YPEL2: variants seen among roughly 807,000 people sequenced by gnomAD.
YPEL2 encodes the protein protein yippee-like 2.
In YPEL2, 2 loss-of-function variants were observed where a neutral mutation model predicts 19.1. That is an observed-to-expected ratio of 0.10 (90% CI 0.04 to 0.33). The LOEUF (loss-of-function observed/expected upper bound fraction) is 0.33. Ranked by LOEUF, YPEL2 falls within the 10% of genes least tolerant of loss-of-function variation. YPEL2 has a pLI of 1.00. For synonymous variants in YPEL2, 52 were observed against 50.0 expected, an observed-to-expected ratio of 1.04 and a Z score of -0.17; for missense variants, 66 against 140.7, an observed-to-expected ratio of 0.47 and a Z score of 2.68.
chr17:59,340,492 T>G (rs993169363), intron 1 of YPEL2, among the ~76,000 whole-genome samples: 2 of 150,568 alleles, frequency 1.3e-5, no homozygotes, highest in African/African-American at 4.9e-5. Flanking sequence ...CTCAGCTCAC[T>G]GCAGGCTCCG....
In YPEL2 at chr17:59,399,636, A is replaced by G. The variant is rs960547766; in HGVS notation, c.*2446A>G. 1 of 152,176 alleles carries G rather than the reference A, an allele frequency of 6.6e-6. No homozygotes were observed. The highest frequency in any genetic ancestry group is 1.5e-5 in the Non-Finnish European group (1 of 67,990). The allele number at this position is 152,176 out of a possible 1,614,324, so 9.4% of individuals were successfully genotyped here. A position where few individuals can be genotyped will look rare whatever the true frequency, so the allele number is the denominator to read the frequency against. On this transcript the variant is annotated 3_prime_UTR_variant, in exon 5 of 5. Coordinates refer to ENST00000312655, the MANE Select transcript of YPEL2 (RefSeq NM_001005404.4). ...TTGGTTTTTCCATAACTACAGGGGG[A>G]AAAAAAGTCATTAGGCTTTCCCTTT...
At chr17:59,357,981 G>A (rs939741097) in intron 2 of YPEL2, among the ~76,000 whole-genome samples, 1 of 152,140 alleles carries the variant, frequency 6.6e-6, no homozygotes, top group African/African-American at 2.4e-5. Context: ...AACTATTTAC[G>A]CTATTGTTAT....
intron 2 of YPEL2, chr17:59,354,364 A>G (rs924736136): frequency 6.6e-6 from 1 of 151,882 alleles, no homozygotes; most frequent in South Asian, 2.1e-4. Flanking sequence ...ACTTCACGCC[A>G]TTAAAGTAAA....
intron 1 of YPEL2, among the ~76,000 whole-genome samples, chr17:59,333,775 A>G (rs2147930936): frequency 6.6e-6 from 1 of 152,320 alleles, no homozygotes; most frequent in East Asian, 1.9e-4. Flanking sequence ...GTTTAAAAAT[A>G]GTTTGTCAGG....
intron 2 of YPEL2, among the ~76,000 whole-genome samples, chr17:59,360,375 G>A (rs1463495129): frequency 6.6e-6 from 1 of 152,104 alleles, no homozygotes; most frequent in South Asian, 2.1e-4. Flanking sequence ...CACTGCGCCC[G>A]GCCGTGTTAG....
chr17:59,354,528 A>ATCTAG (rs1424322051), intron 2 of YPEL2: 1 of 152,208 alleles, frequency 6.6e-6, no homozygotes, highest in Non-Finnish European at 1.5e-5. Flanking sequence ...GGAATGAAGG[A>ATCTAG]TCTAGTCAGC....
At chr17:59,337,921 C>G (rs926785369) in intron 1 of YPEL2, among the ~76,000 whole-genome samples, 1 of 152,200 alleles carries the variant, frequency 6.6e-6, no homozygotes, top group African/African-American at 2.4e-5. Context: ...CCTACTGCTG[C>G]GCATTCTGGA....
intron 1 of YPEL2, among the ~76,000 whole-genome samples, chr17:59,338,846 A>G (rs906420967): frequency 6.6e-6 from 1 of 152,194 alleles, no homozygotes; most frequent in East Asian, 1.9e-4. Context: ...CTAAAGGCCT[A>G]CAAAATCAGA....
intron 2 of YPEL2, among the ~76,000 whole-genome samples, chr17:59,361,909 G>A (rs996324274): frequency 6.6e-6 from 1 of 152,216 alleles, no homozygotes; most frequent in East Asian, 1.9e-4. Flanking sequence ...AGGAGCATCA[G>A]GAACAAAGAG....
chr17:59,336,827 A>G (rs1020310218), intron 1 of YPEL2, among the ~76,000 whole-genome samples: 12 of 152,168 alleles, frequency 7.9e-5, no homozygotes, highest in Non-Finnish European at 1.2e-4. Flanking sequence ...ACTTACATCT[A>G]TTTGAACTGG....
At chr17:59,368,021 T>C (rs2047878942) in intron 2 of YPEL2, among the ~76,000 whole-genome samples, 2 of 152,186 alleles carry the variant, frequency 1.3e-5, no homozygotes, top group African/African-American at 2.4e-5. Flanking sequence ...ACCCTGCATA[T>C]ATTAAATCCT....
chr17:59,366,575 A>G (rs1299434910), intron 2 of YPEL2, among the ~76,000 whole-genome samples: 1 of 152,124 alleles, frequency 6.6e-6, no homozygotes, highest in Non-Finnish European at 1.5e-5. Context: ...TCTCTGATGC[A>G]TCTTTGGAGG....
chr17:59,351,204 G>A (rs2047785801), intron 1 of YPEL2, among the ~76,000 whole-genome samples: 2 of 152,150 alleles, frequency 1.3e-5, no homozygotes, highest in South Asian at 4.2e-4. Flanking sequence ...GTGAAACCCT[G>A]TCTCTACTAA....
rs569009035 is a variant in YPEL2, at chr17:59,367,764, C to T, written c.117+14238C>T. ...TGAGAATTCTATTCCATAGGCCAGA[C>T]TTCAGCCCCAGCCGTCTAGCACCCA... On this transcript the variant is annotated intron_variant, in intron 2 of 4. Coordinates refer to ENST00000312655, the MANE Select transcript of YPEL2 (RefSeq NM_001005404.4). Among the ~76,000 whole-genome samples the T allele has an allele frequency of 4.6e-5, 7 of 152,298 alleles. No homozygotes were observed. In the East Asian group the frequency reaches 1.4e-3, roughly 29 times the overall value.
At chr17:59,368,958 C>G (rs991310154) in intron 2 of YPEL2, among the ~76,000 whole-genome samples, 10 of 152,118 alleles carry the variant, frequency 6.6e-5, no homozygotes, top group African/African-American at 2.2e-4. Context: ...CTGGGTCCCT[C>G]CTTGGTGGTG....
intron 2 of YPEL2, among the ~76,000 whole-genome samples, chr17:59,383,612 ATAT>A (rs1567756784): frequency 5.2e-5 from 1 of 19,316 alleles, no homozygotes; most frequent in Non-Finnish European, 9.1e-5. Context: ...AAAAAAAAAT[ATAT>A]ATATATATAT....
rs374122916 is a variant in YPEL2 at position 59,342,739 on chromosome 17, A to C, written c.-195-10476A>C. Among the ~76,000 whole-genome samples, 48 of 152,366 alleles carry C rather than the reference A, an allele frequency of 3.2e-4. 1 individual carries two copies. In the South Asian group the frequency reaches 6.6e-3, roughly 21 times the overall value. On this transcript the variant is annotated intron_variant, in intron 1 of 4. Coordinates refer to ENST00000312655, the MANE Select transcript of YPEL2 (RefSeq NM_001005404.4). ...GCACATTTGGCTCTCTCGTCTGCAT[A>C]GTCAAGGCAGGGTTGAGGGATCCCT...
intron 2 of YPEL2, chr17:59,354,179 G>A (rs1414852187): frequency 6.5e-6 from 1 of 154,804 alleles, no homozygotes; most frequent in Non-Finnish European, 1.4e-5. Context: ...AAACCAACAT[G>A]CCAGTTGTGC....
intron 2 of YPEL2, among the ~76,000 whole-genome samples, chr17:59,380,952 AAG>A (rs765588627): frequency 3.3e-5 from 5 of 152,216 alleles, no homozygotes; most frequent in Non-Finnish European, 5.9e-5. Flanking sequence ...TCACCAAAGA[AAG>A]AGGTTTGAAG....
Sources: allele counts gnomAD v4.1 joint callset (sites outside exome capture counted in the v4.1 genomes callset), GRCh38; gene constraint gnomAD v4.1.1; transcripts MANE v1.5; gene names NCBI Gene and HGNC (gene_info 2026-07-23, HGNC 2026-07-21).